Variants in ZNF423 observed in about 807,000 individuals in gnomAD.
The protein encoded by ZNF423 is zinc finger protein 423.
In ZNF423, 12 loss-of-function variants were observed where a neutral mutation model predicts 95.8. The observed-to-expected ratio is 0.13, with a 90% CI of 0.08 to 0.20. ZNF423 has a LOEUF of 0.20. Ranked by LOEUF, ZNF423 falls within the 10% of genes least tolerant of loss-of-function variation. The pLI is 1.00. For synonymous variants in ZNF423, 749 were observed against 711.9 expected (o/e 1.05, Z -0.83); for missense variants, 1,316 against 1,737.1 (o/e 0.76, Z 4.31).
chr16:49,521,776 G>A (rs986386675), intron 7 of ZNF423, among the ~76,000 whole-genome samples: 1 of 152,182 alleles, frequency 6.6e-6, no homozygotes, highest in Non-Finnish European at 1.5e-5. Flanking sequence ...TGCTCCTCGG[G>A]GCCAGCCCTG....
At chr16:49,742,796 T>C (rs1315076675) in intron 2 of ZNF423, among the ~76,000 whole-genome samples, 1 of 151,934 alleles carries the variant, frequency 6.6e-6, no homozygotes, top group Non-Finnish European at 1.5e-5. Context: ...CCCTTGTGGC[T>C]GCAAAAAAAG....
chr16:49,836,359 G>T (rs2035120190), intron 1 of ZNF423, among the ~76,000 whole-genome samples: 1 of 152,030 alleles, frequency 6.6e-6, no homozygotes, highest in Admixed American at 6.5e-5. Flanking sequence ...CAGGCCCAGT[G>T]GGGGAGGGGG....
chr16:49,641,045 T>C (rs1016782508), intron 3 of ZNF423, among the ~76,000 whole-genome samples: 1 of 152,208 alleles, frequency 6.6e-6, no homozygotes, highest in African/African-American at 2.4e-5. Flanking sequence ...CTTATTATTT[T>C]GATGTCTTCA....
In ZNF423 at chr16:49,817,231, G is replaced by A. The variant is rs749813951; in HGVS notation, c.41-27685C>T. 7.9e-5 allele frequency among the ~76,000 whole-genome samples: 12 copies of A among 152,206 alleles called. No homozygotes were observed. In the South Asian group the frequency reaches 1.2e-3, roughly 16 times the overall value. On this transcript the variant is annotated intron_variant, in intron 1 of 7. Transcript: ENST00000563137. ...GGGCCTTGCACGGAGTCCTAGCAGC[G>A]GAGAGGGGAGAGCAGGGGGAGGCAG... is the stretch of plus-strand genomic sequence containing the variant.
intron 3 of ZNF423, among the ~76,000 whole-genome samples, chr16:49,643,365 C>A (rs551968062): frequency 1.3e-5 from 2 of 152,308 alleles, no homozygotes; most frequent in South Asian, 4.1e-4. Context: ...TGTACTCACT[C>A]ATTCAATCCT....
chr16:49,703,966 A>T (rs1379199632), intron 3 of ZNF423, among the ~76,000 whole-genome samples: 1 of 152,228 alleles, frequency 6.6e-6, no homozygotes, highest in Non-Finnish European at 1.5e-5. Context: ...CGCCCAGGCC[A>T]TAAATAAAAG....
intron 1 of ZNF423, among the ~76,000 whole-genome samples, chr16:49,810,045 CTT>C (rs896206160): frequency 2.0e-5 from 3 of 152,176 alleles, no homozygotes; most frequent in Non-Finnish European, 4.4e-5. Context: ...CTTCCCCACT[CTT>C]TGGCCTGGGG....
chr16:49,693,320 A>G (rs1026247338), intron 3 of ZNF423, among the ~76,000 whole-genome samples: 11 of 152,222 alleles, frequency 7.2e-5, no homozygotes, highest in African/African-American at 2.2e-4. Flanking sequence ...TCCATTTTAC[A>G]GATGAGGAAA....
chr16:49,761,722 C>G (rs2033836088), intron 2 of ZNF423, among the ~76,000 whole-genome samples: 1 of 152,200 alleles, frequency 6.6e-6, no homozygotes, highest in Non-Finnish European at 1.5e-5. Flanking sequence ...TCCCACTAAC[C>G]AGCTAATTCT....
intron 1 of ZNF423, chr16:49,854,550 G>A (rs917348302): frequency 5.4e-5 from 53 of 985,308 alleles, no homozygotes; most frequent in Non-Finnish European, 6.4e-5. Flanking sequence ...CAAGGGCCTG[G>A]GGGCTTTTGG....
intron 3 of ZNF423, among the ~76,000 whole-genome samples, chr16:49,716,721 T>C (rs1469171950): frequency 6.6e-6 from 1 of 152,122 alleles, no homozygotes; most frequent in Admixed American, 6.5e-5. Flanking sequence ...CGGCTTTTGC[T>C]GCGACACTAG....
intron 5 of ZNF423, among the ~76,000 whole-genome samples, chr16:49,543,906 C>T (rs1362147973): frequency 1.3e-5 from 2 of 150,494 alleles, no homozygotes; most frequent in African/African-American, 4.9e-5. Flanking sequence ...TCTGTAAAAA[C>T]AGAGGGAGAT....
intron 1 of ZNF423, chr16:49,854,750 G>A (rs2035340066): frequency 5.1e-6 from 5 of 985,302 alleles, no homozygotes; most frequent in African/African-American, 3.5e-5. Flanking sequence ...CTTTCCCCGG[G>A]GCCTCTACTC....
chr16:49,856,880 G>A (rs1449158031), upstream of ZNF423, among the ~76,000 whole-genome samples: 1 of 146,882 alleles, frequency 6.8e-6, no homozygotes, highest in Non-Finnish European at 1.5e-5. Flanking sequence ...GGAGAGGGGG[G>A]AGGCGGCGGC....
intron 2 of ZNF423, among the ~76,000 whole-genome samples, 170 bp downstream of exon 2, chr16:49,789,317 T>C (rs2034370649): frequency 6.6e-6 from 1 of 152,228 alleles, no homozygotes; most frequent in South Asian, 2.1e-4. Context: ...ATAGATTTTA[T>C]TGACCATATG....
intron 5 of ZNF423, among the ~76,000 whole-genome samples, chr16:49,621,319 A>T (rs970249345): frequency 6.6e-6 from 1 of 151,990 alleles, no homozygotes; most frequent in Non-Finnish European, 1.5e-5. Flanking sequence ...TTCAAAGGAG[A>T]CCCTGCTATT....
chr16:49,726,593 A>C (rs1351712598), intron 3 of ZNF423, among the ~76,000 whole-genome samples: 1 of 152,148 alleles, frequency 6.6e-6, no homozygotes, highest in Non-Finnish European at 1.5e-5. Flanking sequence ...ACCTGAATTG[A>C]CAGGGACTGC....
intron 1 of ZNF423, among the ~76,000 whole-genome samples, chr16:49,819,726 G>A (rs763632632): frequency 6.6e-6 from 1 of 152,132 alleles, no homozygotes; most frequent in Non-Finnish European, 1.5e-5. Flanking sequence ...TAGATTACAG[G>A]AATGAGCCCA....
intron 5 of ZNF423, among the ~76,000 whole-genome samples, chr16:49,526,189 G>A (rs959623083): frequency 6.6e-6 from 1 of 152,214 alleles, no homozygotes; most frequent in African/African-American, 2.4e-5. Flanking sequence ...CACAAGAAAA[G>A]CCCTGTCAGC....
Sources: allele counts gnomAD v4.1 joint callset (sites outside exome capture counted in the v4.1 genomes callset), GRCh38; gene constraint gnomAD v4.1.1; transcripts MANE v1.5; gene names NCBI Gene and HGNC (gene_info 2026-07-23, HGNC 2026-07-21).